Variants in FFAR4 observed in about 807,000 individuals in gnomAD.
The protein encoded by FFAR4 is G-protein coupled receptor 120.
FFAR4 carries 19 observed loss-of-function variants against 27.0 expected under a neutral mutation model. That is an observed-to-expected ratio of 0.70 (90% CI 0.49 to 1.03). The LOEUF (loss-of-function observed/expected upper bound fraction) is 1.03, where lower values mean the gene tolerates loss of function less well. FFAR4 is among the 50% of genes least tolerant of loss of function. The pLI is 0.00. For missense variants in FFAR4, 476 were observed against 479.0 expected (o/e 0.99, Z 0.06); for synonymous variants, 254 against 215.6 (o/e 1.18, Z -1.56).
intron 2 of FFAR4, among the ~76,000 whole-genome samples, chr10:93,577,984 G>C (rs981498019): frequency 2.0e-5 from 3 of 152,186 alleles, no homozygotes; most frequent in Non-Finnish European, 4.4e-5. Flanking sequence ...CATAAAAGGG[G>C]AAGAGGGAGG....
chr10:93,572,633 G>A (rs1324244427), intron 1 of FFAR4, among the ~76,000 whole-genome samples: 1 of 152,208 alleles, frequency 6.6e-6, no homozygotes, highest in South Asian at 2.1e-4. Context: ...GAGTGGGGAG[G>A]AGGAGGTGGG....
intron 2 of FFAR4, among the ~76,000 whole-genome samples, chr10:93,582,178 C>T (rs2058201541): frequency 6.6e-6 from 1 of 152,002 alleles, no homozygotes; most frequent in South Asian, 2.1e-4. Context: ...ATTATAAAGC[C>T]CCCTTTTCTT....
chr10:93,587,614 T>C lies in FFAR4; in HGVS notation c.*5T>C. ...TTGTCGATTATTTCTGGCTAATTTT[T>C]CTTTATAGCCGAGTTTCTCACACCT... On this transcript the variant is annotated 3_prime_UTR_variant, in exon 3 of 3. Transcript: ENST00000371481. The C allele has an allele frequency of 6.2e-7, 1 of 1,608,196 alleles. No homozygotes were observed. The highest frequency in any genetic ancestry group is 8.5e-7 in the Non-Finnish European group (1 of 1,178,470).
In FFAR4 at chr10:93,567,300, C is replaced by G; in HGVS notation, c.567+13C>G. On this transcript the variant is annotated intron_variant, in intron 1 of 2. Coordinates refer to ENST00000371481, the MANE Select transcript of FFAR4 (RefSeq NM_001195755.2). ...CGGCGCCGACCAGGTGAGCGCCCCTCTGTGTGTGCCGGGCAGGTGTCCTGC... is the reference window on the plus strand; with the variant it reads ...CGGCGCCGACCAGGTGAGCGCCCCTGTGTGTGTGCCGGGCAGGTGTCCTGC... 1.9e-6 allele frequency: 3 copies of G among 1,595,010 alleles called. No individual in the cohort carries two copies. The highest frequency in any genetic ancestry group is 1.1e-5 in the South Asian group (1 of 90,252).
At chr10:93,581,169 T>TA (rs1412347086) in intron 2 of FFAR4, among the ~76,000 whole-genome samples, 19 of 152,224 alleles carry the variant, frequency 1.2e-4, no homozygotes, top group Admixed American at 6.5e-5. Context: ...CAGGGGCATA[T>TA]AAATATTTGT....
intron 1 of FFAR4, among the ~76,000 whole-genome samples, chr10:93,567,547 A>G (rs2058106268): frequency 6.6e-6 from 1 of 152,334 alleles, no homozygotes; most frequent in East Asian, 1.9e-4. Flanking sequence ...AGGTTAATTA[A>G]CGAGTAGTTT....
At chr10:93,576,339 A>G (rs2058163918) in intron 2 of FFAR4, 120 bp downstream of exon 2, 1 of 978,438 alleles carries the variant, frequency 1.0e-6, no homozygotes, top group Non-Finnish European at 1.6e-6. Flanking sequence ...ATCTTGATTC[A>G]CTGCCCAGGT....
intron 1 of FFAR4, among the ~76,000 whole-genome samples, chr10:93,572,611 G>A (rs558655525): frequency 4.9e-4 from 75 of 152,284 alleles, no homozygotes; most frequent in Admixed American, 9.8e-4. Flanking sequence ...GAGGAATTTA[G>A]AGATCCCTTC....
chr10:93,582,753 A>T (rs2058205750), intron 2 of FFAR4, among the ~76,000 whole-genome samples: 1 of 152,102 alleles, frequency 6.6e-6, no homozygotes, highest in African/African-American at 2.4e-5. Flanking sequence ...TGCTTTAAAG[A>T]ACTGCCTGAG....
rs2058099085 is a variant in FFAR4 at position 93,566,840 on chromosome 10, C to T, written c.120C>T (p.Ala40=). The change falls in exon 1 of 3, where the codon GCC becomes GCT. Residue 40 remains alanine (A), a synonymous_variant. Coordinates refer to ENST00000371481, the MANE Select transcript of FFAR4 (RefSeq NM_001195755.2). Reference sequence around the variant, plus strand: ...AGGGCGACCACCGGCTGGTGCTGGCCGCGGTGGAGACAACCGTGCTGGTGC... The same window carrying T: ...AGGGCGACCACCGGCTGGTGCTGGCTGCGGTGGAGACAACCGTGCTGGTGC... The part of the protein sequence containing the change: ...DVKGDHRLVL[A]AVETTVLVLI... 1.9e-6 allele frequency: 3 copies of T among 1,600,864 alleles called. No homozygotes were observed. Among genetic ancestry groups the T allele is most frequent in the Non-Finnish European group, 2.6e-6 (3 of 1,175,392 alleles).
At chr10:93,584,215 G>A (rs771084915) in intron 2 of FFAR4, among the ~76,000 whole-genome samples, 4 of 151,718 alleles carry the variant, frequency 2.6e-5, no homozygotes, top group Non-Finnish European at 4.4e-5. Flanking sequence ...GGCCTCTGGC[G>A]TTTGAGCCCG....
Position 93,566,982 on chromosome 10 carries a change from T to C in FFAR4, c.262T>C (p.Phe88Leu), listed in dbSNP as rs747316167. 106 of 1,611,792 alleles carry C rather than the reference T, an allele frequency of 6.6e-5. No homozygotes were observed. The highest frequency in any genetic ancestry group is 8.1e-5 in the Non-Finnish European group (96 of 1,179,858). The change falls in exon 1 of 3, where the codon TTC (phenylalanine) becomes CTC (leucine). Residue 88 changes from phenylalanine (F) to leucine (L), a missense_variant. By Grantham distance (22) the Phe-to-Leu change is conservative. Transcript: ENST00000371481. ...VLNLFCADLL[F>L]ISAIPLVLAV... ...CAACCTCTTCTGCGCGGACCTGCTC[T>C]TCATCAGCGCTATCCCTCTGGTGCT...
chr10:93,589,537 T>G lies in FFAR4; in HGVS notation c.*1928T>G, dbSNP rs2058250172. ...GAGAACTCAAGGGGAATACTCTGAT[T>G]TTTTAGCCTGTCATTGGTTGGATGG... On this transcript the variant is annotated 3_prime_UTR_variant, in exon 3 of 3. Coordinates refer to ENST00000371481, the MANE Select transcript of FFAR4 (RefSeq NM_001195755.2). 1.3e-5 allele frequency: 2 copies of G among 149,786 alleles called. No individual in the cohort carries two copies. Among genetic ancestry groups the G allele is most frequent in the Non-Finnish European group, 3.0e-5 (2 of 67,616 alleles). 9.3% of individuals were successfully genotyped at this position (149,786 alleles called of 1,614,324 possible).
At chr10:93,570,722 C>T (rs963198643) in intron 1 of FFAR4, among the ~76,000 whole-genome samples, 2 of 152,158 alleles carry the variant, frequency 1.3e-5, no homozygotes, top group African/African-American at 4.8e-5. Flanking sequence ...CCCAGTAGTT[C>T]ATGGTAATCA....
chr10:93,583,040 C>T (rs768963218), intron 2 of FFAR4, among the ~76,000 whole-genome samples: 3 of 151,898 alleles, frequency 2.0e-5, no homozygotes, highest in Non-Finnish European at 2.9e-5. Flanking sequence ...GTGGGGATTA[C>T]GGGAATTACA....
At chr10:93,587,048 G>C (rs11187537) in intron 2 of FFAR4, among the ~76,000 whole-genome samples, 172 bp from the exon 3 acceptor site, 44,384 of 151,894 alleles carry the variant, frequency 0.29, 6,859 homozygotes, top group African/African-American at 0.37. Flanking sequence ...TCTCAGGAGT[G>C]CAGCCGGGGT....
Position 93,587,930 on chromosome 10 carries a change from T to TA in FFAR4, c.*332dup, listed in dbSNP as rs916062233. 5.4e-3 allele frequency: 913 copies of TA among 167,914 alleles called. 1 individual carries two copies. The highest frequency in any genetic ancestry group is 0.01 in the African/African-American group (418 of 40,376). 10.4% of individuals were successfully genotyped at this position (167,914 alleles called of 1,614,324 possible). A position where few individuals can be genotyped will look rare whatever the true frequency, so the allele number is the denominator to read the frequency against. ...GTGAGACCCCCGTCTCTACTAAAAA[T>TA]AAAAAAAAAAATTAGCTGGGAGTGG... On this transcript the variant is annotated 3_prime_UTR_variant, in exon 3 of 3. Transcript: ENST00000371481.
chr10:93,570,307 G>A (rs1240570428), intron 1 of FFAR4, among the ~76,000 whole-genome samples: 1 of 150,478 alleles, frequency 6.6e-6, no homozygotes, highest in Non-Finnish European at 1.5e-5. Flanking sequence ...AATATTATAG[G>A]TTCAGCAGTT....
chr10:93,587,305 G>T lies in FFAR4; in HGVS notation c.782G>T (p.Arg261Leu), dbSNP rs766000266. The change falls in exon 3 of 3, where the codon CGG becomes CTG. Residue 261 changes from arginine to leucine, a missense_variant. Physicochemically the swap from Arg to Leu is moderately radical, Grantham distance 102 (BLOSUM62 -2). Coordinates refer to ENST00000371481, the MANE Select transcript of FFAR4 (RefSeq NM_001195755.2). ...ATCCGCGTGTCCCAGCAGGACTTCC[G>T]GCTCTTCCGCACCCTCTTCCTCCTC... ...HQIRVSQQDF[R>L]LFRTLFLLMV... is the part of the protein sequence containing the mutation. 1.3e-5 allele frequency: 21 copies of T among 1,613,912 alleles called. No individual in the cohort carries two copies. The Admixed American group carries it at 3.5e-4, about 27-fold the overall frequency.
Sources: gnomAD v4.1 joint callset for allele counts (sites outside exome capture counted in the v4.1 genomes callset) on GRCh38, gnomAD v4.1.1 for gene constraint, MANE v1.5 for transcripts, NCBI Gene and HGNC (gene_info 2026-07-23, HGNC 2026-07-21) for gene names.